The following ALDH1A2 variants were observed in gnomAD, a reference collection of about 807,000 sequenced individuals.
ALDH1A2 encodes the protein aldehyde dehydrogenase 1 family member A2.
In ALDH1A2, 27 loss-of-function variants were observed where a neutral mutation model predicts 60.3. The ratio of observed to expected loss-of-function variants is 0.45; its 90% CI spans 0.33 to 0.62. The LOEUF (loss-of-function observed/expected upper bound fraction) is 0.62, where lower values mean the gene tolerates loss of function less well. ALDH1A2 is among the 20% of genes least tolerant of loss of function. The pLI is 0.02. For synonymous variants in ALDH1A2, 289 were observed against 232.4 expected (o/e 1.24, Z -2.21); for missense variants, 581 against 643.8 (o/e 0.90, Z 1.06).
At chr15:58,032,789 A>AACACACACACACACACACAC (rs59226967) in intron 1 of ALDH1A2, among the ~76,000 whole-genome samples, 1 of 149,202 alleles carries the variant, frequency 6.7e-6, no homozygotes, top group African/African-American at 2.5e-5. Flanking sequence ...AGTGCCCCTC[A>AACACACACACACACACACAC]ACACACACAC....
intron 1 of ALDH1A2, among the ~76,000 whole-genome samples, chr15:58,054,937 T>A (rs1382447576): frequency 6.6e-6 from 1 of 152,034 alleles, no homozygotes; most frequent in East Asian, 1.9e-4. Flanking sequence ...ATACTCCCAT[T>A]TTTGTCTGGT....
chr15:58,045,496 A>C (rs1479539128), intron 1 of ALDH1A2, among the ~76,000 whole-genome samples: 1 of 152,124 alleles, frequency 6.6e-6, no homozygotes, highest in Non-Finnish European at 1.5e-5. Flanking sequence ...AACCAACCCA[A>C]ATGTCCATCA....
At position 57,963,997 on chromosome 15, in the gene ALDH1A2, C is replaced by G; in HGVS notation, c.974G>C (p.Arg325Pro). The change falls in exon 9 of 13, where the codon CGC becomes CCC. Residue 325 changes from arginine to proline, a missense_variant. Transcript: ENST00000249750. ...NQGQCCTAGS[R>P]IFVEESIYEE... ...ATAGATGGACTCCTCCACGAAGATG[C>G]GAGAGCCTGCAGTGCAGCACTGACC... 6.2e-7 allele frequency: 1 copy of G among 1,614,196 alleles called. No individual in the cohort carries two copies. Among genetic ancestry groups the G allele is most frequent in the Non-Finnish European group, 8.5e-7 (1 of 1,180,036 alleles).
intron 1 of ALDH1A2, among the ~76,000 whole-genome samples, chr15:58,040,455 T>C (rs1035362081): frequency 6.6e-6 from 1 of 151,960 alleles, no homozygotes; most frequent in African/African-American, 2.4e-5. Context: ...ACGAACGTTA[T>C]GAGGGGCCCA....
chr15:57,955,948 T>G (rs151004583), intron 12 of ALDH1A2, among the ~76,000 whole-genome samples: 1 of 152,186 alleles, frequency 6.6e-6, no homozygotes, highest in Non-Finnish European at 1.5e-5. Context: ...TCTTCTCTTC[T>G]TCTGAAAGTC....
intron 1 of ALDH1A2, among the ~76,000 whole-genome samples, chr15:58,019,079 G>A (rs1895854964): frequency 6.6e-6 from 1 of 152,064 alleles, no homozygotes; most frequent in Admixed American, 6.5e-5. Context: ...GAATCTGCAT[G>A]AAGTGTACAC....
intron 4 of ALDH1A2, among the ~76,000 whole-genome samples, chr15:58,009,463 C>T (rs1422655029): frequency 6.6e-6 from 1 of 151,756 alleles, no homozygotes; most frequent in Non-Finnish European, 1.5e-5. Flanking sequence ...TAAGAAGGCC[C>T]AAAAGAGACA....
chr15:58,064,326 G>A (rs914950564), intron 1 of ALDH1A2, among the ~76,000 whole-genome samples: 1 of 152,144 alleles, frequency 6.6e-6, no homozygotes, highest in Non-Finnish European at 1.5e-5. Flanking sequence ...AAAAAAGCTA[G>A]CAGGTACATT....
chr15:57,973,577 T>G (rs898339442), intron 7 of ALDH1A2, among the ~76,000 whole-genome samples: 14 of 152,208 alleles, frequency 9.2e-5, no homozygotes, highest in African/African-American at 2.7e-4. Flanking sequence ...TAACTACAGC[T>G]GAAAAGGGGT....
At chr15:58,023,604 C>G (rs1170343162) in intron 1 of ALDH1A2, among the ~76,000 whole-genome samples, 1 of 147,254 alleles carries the variant, frequency 6.8e-6, no homozygotes, top group Non-Finnish European at 1.5e-5. Flanking sequence ...GCAGATTTCT[C>G]AGCAGAAACC....
intron 4 of ALDH1A2, among the ~76,000 whole-genome samples, chr15:57,998,989 G>A (rs1895161501): frequency 6.6e-6 from 1 of 152,212 alleles, no homozygotes; most frequent in East Asian, 1.9e-4. Context: ...GGGAAAACTA[G>A]CTAGCAATAT....
intron 4 of ALDH1A2, among the ~76,000 whole-genome samples, chr15:58,006,205 C>T (rs141264738): frequency 0.017 from 2,518 of 151,898 alleles, 31 homozygotes; most frequent in Middle Eastern, 0.051. Flanking sequence ...TCCATTATAA[C>T]AGTCTTACGC....
chr15:57,976,896 C>T (rs1305248014), intron 7 of ALDH1A2, among the ~76,000 whole-genome samples: 2 of 152,074 alleles, frequency 1.3e-5, no homozygotes, highest in East Asian at 1.9e-4. Flanking sequence ...AAAAGCATTC[C>T]TATTTCTCCA....
intron 4 of ALDH1A2, among the ~76,000 whole-genome samples, chr15:57,998,229 G>C (rs1268663214): frequency 1.3e-5 from 2 of 151,874 alleles, no homozygotes; most frequent in African/African-American, 4.8e-5. Flanking sequence ...AGAAATAAAG[G>C]GCATTCAAAT....
intron 9 of ALDH1A2, among the ~76,000 whole-genome samples, chr15:57,963,281 CT>C (rs1261100565): frequency 8.6e-5 from 13 of 151,738 alleles, no homozygotes; most frequent in Non-Finnish European, 4.4e-5. Context: ...CCAGACCCAT[CT>C]TGTCATACTC....
intron 3 of ALDH1A2, 95 bp downstream of exon 3, chr15:58,013,763 T>C: frequency 6.7e-7 from 1 of 1,494,024 alleles, no homozygotes. Flanking sequence ...AAAAATAAAA[T>C]AAATAAAAAT....
intron 1 of ALDH1A2, among the ~76,000 whole-genome samples, chr15:58,047,708 C>T (rs1896669492): frequency 6.6e-6 from 1 of 151,868 alleles, no homozygotes; most frequent in African/African-American, 2.4e-5. Flanking sequence ...GTGCTCAGAT[C>T]ATTTAGAGAG....
chr15:57,981,993 A>G (rs775669204), intron 7 of ALDH1A2, among the ~76,000 whole-genome samples: 106 of 152,320 alleles, frequency 7.0e-4, no homozygotes, highest in Non-Finnish European at 1.1e-3. Flanking sequence ...GAAAGATGGA[A>G]GAGCAAGAGA....
chr15:58,004,446 C>T (rs1404224347), intron 4 of ALDH1A2, among the ~76,000 whole-genome samples: 1 of 151,714 alleles, frequency 6.6e-6, no homozygotes, highest in Admixed American at 6.6e-5. Flanking sequence ...TGGTACCCAA[C>T]AGGTAGTTTT....
Sources: gnomAD v4.1 joint callset for allele counts (sites outside exome capture counted in the v4.1 genomes callset) on GRCh38, gnomAD v4.1.1 for gene constraint, MANE v1.5 for transcripts, NCBI Gene and HGNC (gene_info 2026-07-23, HGNC 2026-07-21) for gene names.